TMEM59L: variants seen among roughly 807,000 people sequenced by gnomAD.
TMEM59L encodes the protein transmembrane protein 59-like.
In TMEM59L, 31 loss-of-function variants were observed where a neutral mutation model predicts 39.6. That is an observed-to-expected ratio of 0.78 (90% CI 0.59 to 1.06). TMEM59L has a LOEUF of 1.06. TMEM59L is among the 50% of genes least tolerant of loss of function. The pLI, the probability that TMEM59L is intolerant of heterozygous loss-of-function variation, is 0.00. For missense variants in TMEM59L, 441 were observed against 451.3 expected (o/e 0.98, Z 0.21); for synonymous variants, 219 against 202.9 (o/e 1.08, Z -0.68).
At chr19:18,618,061 A>G (rs894083217) in intron 5 of TMEM59L, 94 bp from the exon 6 acceptor site, 8 of 887,080 alleles carry the variant, frequency 9.0e-6, no homozygotes, top group African/African-American at 6.6e-5. Flanking sequence ...CCAGGACTCT[A>G]TGCCCCAGGT....
At chr19:18,618,104 TG>T in intron 5 of TMEM59L, 50 bp from the exon 6 acceptor site, 1 of 1,397,818 alleles carries the variant, frequency 7.2e-7, no homozygotes, top group Non-Finnish European at 1.0e-6. Context: ...ATGGTTATTG[TG>T]GCCTCTTAGC....
chr19:18,613,495 C>G (rs1568445877), intron 1 of TMEM59L, among the ~76,000 whole-genome samples: 3 of 151,606 alleles, frequency 2.0e-5, no homozygotes, highest in Non-Finnish European at 2.9e-5. Flanking sequence ...GCTACCAGCC[C>G]CTACTCATAC....
intron 5 of TMEM59L, chr19:18,617,429 A>G (rs1327201539): frequency 2.0e-6 from 1 of 490,320 alleles, no homozygotes. Context: ...GCCACCTCCC[A>G]GGGTTCCGTG....
rs756020213 is a variant in TMEM59L, at chr19:18,618,495, G to T, written c.900+3G>T. 13 of 1,600,226 alleles carry T rather than the reference G, an allele frequency of 8.1e-6. No individual in the cohort carries two copies. The highest frequency in any genetic ancestry group is 4.0e-5 in the African/African-American group (3 of 74,666). ...CTGGCCAGCACCTCAAGTTCCAGGT[G>T]GGTGGGATCTGTGAATGGCGCTGGG... On this transcript the variant is annotated splice_donor_region_variant and intron_variant, in intron 7 of 7. Transcript: ENST00000262817.
Position 18,616,022 on chromosome 19 carries a change from G to A in TMEM59L, c.456G>A (p.Leu152=), listed in dbSNP as rs1976423624. The change falls in exon 4 of 8, where the codon TTG becomes TTA. Residue 152 remains leucine, a synonymous_variant. Coordinates refer to ENST00000262817, the MANE Select transcript of TMEM59L (RefSeq NM_012109.3). ...APSGALSLLD[L]FSTLCNDLVN... is the part of the protein sequence containing the mutation. ...GTGGGGCCCTCTCCCTCTTGGACTT[G>A]TTTTCCACCCTCTGCAATGACCTTG... The A allele has an allele frequency of 1.2e-6, 2 of 1,613,980 alleles. No homozygotes were observed. Among genetic ancestry groups the A allele is most frequent in the Admixed American group, 1.7e-5 (1 of 59,992 alleles).
chr19:18,619,738 A>C lies in TMEM59L; in HGVS notation c.901-670A>C, dbSNP rs183229035. ...AGAATGGCGTGAACCCAGGAGGAGG[A>C]GCTTGCAGTGAGCCGAGATCGCGCC... On this transcript the variant is annotated intron_variant, in intron 7 of 7. Coordinates refer to ENST00000262817, the MANE Select transcript of TMEM59L (RefSeq NM_012109.3). Among the ~76,000 whole-genome samples, 444 of 149,404 alleles carry C rather than the reference A, an allele frequency of 3.0e-3. 4 individuals are homozygous for C. Among genetic ancestry groups the C allele is most frequent in the African/African-American group, 0.011 (431 of 40,448 alleles).
intron 1 of TMEM59L, 37 bp from the exon 2 acceptor site, chr19:18,613,834 TC>T: frequency 1.1e-6 from 1 of 896,592 alleles, no homozygotes. Context: ...CTCCTGCCCC[TC>T]CCCATGGCCT....
intron 5 of TMEM59L, chr19:18,617,424 C>T (rs770886798): frequency 1.2e-5 from 6 of 495,284 alleles, no homozygotes; most frequent in Non-Finnish European, 2.4e-5. Context: ...CCGTGGCCAC[C>T]TCCCAGGGTT....
chr19:18,616,426 C>T (rs1162329815), intron 4 of TMEM59L, among the ~76,000 whole-genome samples: 1 of 151,056 alleles, frequency 6.6e-6, no homozygotes, highest in African/African-American at 2.4e-5. Context: ...GACTCCCATT[C>T]TTGTTGCCCA....
chr19:18,616,028 C>T lies in TMEM59L; in HGVS notation c.462C>T (p.Ser154=). The change falls in exon 4 of 8, where the codon TCC becomes TCT. Residue 154 remains serine, a synonymous_variant. Coordinates refer to ENST00000262817, the MANE Select transcript of TMEM59L (RefSeq NM_012109.3). ...CCCTCTCCCTCTTGGACTTGTTTTC[C>T]ACCCTCTGCAATGACCTTGTCAACT... ...SGALSLLDLF[S]TLCNDLVNSA... The T allele has an allele frequency of 1.2e-6, 2 of 1,614,096 alleles. No homozygotes were observed. The highest frequency in any genetic ancestry group is 4.5e-5 in the East Asian group (2 of 44,874).
At position 18,616,150 on chromosome 19, in the gene TMEM59L, C is replaced by A. The variant is rs775659894; in HGVS notation, c.561+23C>A. On this transcript the variant is annotated intron_variant, in intron 4 of 7. Transcript: ENST00000262817. ...CAGGTGAGACCTCTGACAGGGGCCA[C>A]GCCAGAGTGGCAGATGGGTGGGCAG... 2.5e-6 allele frequency: 4 copies of A among 1,612,344 alleles called. No individual in the cohort carries two copies. In the Admixed American group the frequency reaches 6.7e-5, roughly 27 times the overall value.
At position 18,616,047 on chromosome 19, in the gene TMEM59L, G is replaced by A. The variant is rs139622811; in HGVS notation, c.481G>A (p.Val161Ile). 3.3e-4 allele frequency: 528 copies of A among 1,614,110 alleles called. 4 individuals carry two copies. In the East Asian group the frequency reaches 7.2e-3, roughly 22 times the overall value. Residue 161 changes from valine to isoleucine, a missense_variant, in exon 4 of 8, where the codon GTC becomes ATC. Transcript: ENST00000262817. ...DLFSTLCNDL[V>I]NSAQGFVSST... ...GTTTTCCACCCTCTGCAATGACCTT[G>A]TCAACTCAGCCCAGGGATTTGTCTC... is the stretch of plus-strand genomic sequence containing the variant.
chr19:18,618,654 TG>T, intron 7 of TMEM59L, among the ~76,000 whole-genome samples, 162 bp downstream of exon 7: 1 of 102,858 alleles, frequency 9.7e-6, no homozygotes, highest in African/African-American at 3.3e-5. Flanking sequence ...TACGTGTGTG[TG>T]TGTGTGTGTG....
At chr19:18,619,016 G>A (rs1188075335) in intron 7 of TMEM59L, among the ~76,000 whole-genome samples, 1 of 151,628 alleles carries the variant, frequency 6.6e-6, no homozygotes, top group African/African-American at 2.4e-5. Context: ...TTTTGAGACA[G>A]GATCTCACTC....
chr19:18,618,585 T>TG, intron 7 of TMEM59L, 93 bp downstream of exon 7: 1 of 1,151,540 alleles, frequency 8.7e-7, no homozygotes, highest in Non-Finnish European at 1.2e-6. Flanking sequence ...CCTGCTCCCA[T>TG]GGAGGCCAGG....
Position 18,618,193 on chromosome 19 carries a change from A to G in TMEM59L, c.703A>G (p.Ile235Val). The change falls in exon 6 of 8, where the codon ATC (isoleucine) becomes GTC (valine). Residue 235 changes from isoleucine (I) to valine (V), a missense_variant. Coordinates refer to ENST00000262817, the MANE Select transcript of TMEM59L (RefSeq NM_012109.3). ...CCTGGACAAGGTGAGGAAGGCCAAGATCCGAGTCAAGACCAGCAGCAAGGC... is the reference window on the plus strand; with the variant it reads ...CCTGGACAAGGTGAGGAAGGCCAAGGTCCGAGTCAAGACCAGCAGCAAGGC... ...GPLDKVRKAKIRVKTSSKAKV... is the reference protein window; with the variant it reads ...GPLDKVRKAKVRVKTSSKAKV... 2 of 1,612,410 alleles carry G rather than the reference A, an allele frequency of 1.2e-6. No individual in the cohort carries two copies. The highest frequency in any genetic ancestry group is 1.7e-4 in the Middle Eastern group (1 of 6,056).
intron 4 of TMEM59L, among the ~76,000 whole-genome samples, chr19:18,616,581 C>T (rs985047546): frequency 3.9e-5 from 6 of 152,044 alleles, no homozygotes; most frequent in Non-Finnish European, 8.8e-5. Context: ...TTAGTGGAGA[C>T]GGGGTTTCGC....
At chr19:18,617,652 C>T (rs1416022990) in intron 5 of TMEM59L, 3 of 455,096 alleles carry the variant, frequency 6.6e-6, no homozygotes, top group Non-Finnish European at 4.4e-6. Flanking sequence ...TGGTTCATCT[C>T]TTAGGATTCT....
At chr19:18,615,333 TA>T (rs1290293191) in intron 3 of TMEM59L, among the ~76,000 whole-genome samples, 1 of 152,204 alleles carries the variant, frequency 6.6e-6, no homozygotes, top group Non-Finnish European at 1.5e-5. Flanking sequence ...AGGATGATGA[TA>T]TTTTTAGTAA....
Sources: gnomAD v4.1 joint callset for allele counts (sites outside exome capture counted in the v4.1 genomes callset) on GRCh38, gnomAD v4.1.1 for gene constraint, MANE v1.5 for transcripts, NCBI Gene and HGNC (gene_info 2026-07-23, HGNC 2026-07-21) for gene names.